The following NSMCE2 variants were observed in gnomAD, a reference collection of about 807,000 sequenced individuals.
NSMCE2 encodes the protein NSE2 SUMO ligase component of SMC5/6 complex, also known as E3 SUMO-protein ligase NSE2.
In NSMCE2, 24 loss-of-function variants were observed where a neutral mutation model predicts 23.8. The observed-to-expected ratio is 1.01, with a 90% CI of 0.73 to 1.42. The LOEUF (loss-of-function observed/expected upper bound fraction) is 1.42, where lower values mean the gene tolerates loss of function less well. Ranked by LOEUF, NSMCE2 falls within the 40% of genes most tolerant of loss-of-function variation. NSMCE2 has a pLI of 0.00. For synonymous variants in NSMCE2, 92 were observed against 94.1 expected (o/e 0.98, Z 0.13); for missense variants, 284 against 296.5 (o/e 0.96, Z 0.31).
chr8:125,167,619 G>A (rs1821958052), intron 4 of NSMCE2, among the ~76,000 whole-genome samples: 1 of 151,924 alleles, frequency 6.6e-6, no homozygotes, highest in Non-Finnish European at 1.5e-5. Flanking sequence ...TGGCAACTGA[G>A]CAAGACTCAG....
intron 5 of NSMCE2, among the ~76,000 whole-genome samples, chr8:125,298,555 T>A (rs1447457588): frequency 6.6e-6 from 1 of 152,104 alleles, no homozygotes; most frequent in Non-Finnish European, 1.5e-5. Context: ...ATGCGGGAAA[T>A]TTACTTAAAC....
intron 3 of NSMCE2, among the ~76,000 whole-genome samples, chr8:125,114,976 T>C (rs1444812531): frequency 2.0e-5 from 3 of 152,232 alleles, no homozygotes; most frequent in Non-Finnish European, 2.9e-5. Context: ...GTTTCCCTTA[T>C]ATTTTATGTT....
In NSMCE2 at chr8:125,303,214, G is replaced by A. The variant is rs529471427; in HGVS notation, c.419-54005G>A. ...CTCTGTGAACCTGCAGTTCAGCTTT[G>A]ACTCAGGAGAGCCTGTGGGAACTGT... On this transcript the variant is annotated intron_variant, in intron 5 of 7. Transcript: ENST00000287437. Among the ~76,000 whole-genome samples the A allele has an allele frequency of 1.4e-4, 22 of 152,242 alleles. No homozygotes were observed. The South Asian group carries it at 1.7e-3, about 11-fold the overall frequency.
intron 5 of NSMCE2, among the ~76,000 whole-genome samples, chr8:125,316,186 A>G (rs7004468): frequency 0.91 from 138,157 of 152,238 alleles, 62,867 homozygotes; most frequent in African/African-American, 0.98. Context: ...CTTCTTTTTC[A>G]ATTCTAGTCT....
chr8:125,127,934 AAG>A (rs1819590270), intron 3 of NSMCE2, among the ~76,000 whole-genome samples: 2 of 152,218 alleles, frequency 1.3e-5, no homozygotes, highest in Non-Finnish European at 2.9e-5. Flanking sequence ...GGTTTGTGTT[AAG>A]TACTTATGTG....
chr8:125,274,348 A>T (rs1827352294), intron 5 of NSMCE2, among the ~76,000 whole-genome samples: 1 of 152,206 alleles, frequency 6.6e-6, no homozygotes, highest in Admixed American at 6.5e-5. Flanking sequence ...TGTTCCTTGT[A>T]TTAATTTCAT....
At chr8:125,240,801 A>T (rs1016370488) in intron 5 of NSMCE2, among the ~76,000 whole-genome samples, 3 of 152,136 alleles carry the variant, frequency 2.0e-5, no homozygotes, top group Non-Finnish European at 4.4e-5. Context: ...AATTTGTAGA[A>T]TTATTGGTTT....
chr8:125,153,596 A>G (rs1312054949), intron 4 of NSMCE2, among the ~76,000 whole-genome samples: 1 of 152,182 alleles, frequency 6.6e-6, no homozygotes, highest in Non-Finnish European at 1.5e-5. Context: ...GTTTAGAAAT[A>G]GCAATGGTCT....
At chr8:125,242,256 C>T (rs1825792138) in intron 5 of NSMCE2, among the ~76,000 whole-genome samples, 2 of 151,950 alleles carry the variant, frequency 1.3e-5, no homozygotes, top group South Asian at 4.2e-4. Context: ...GATGGGGAAA[C>T]GAGCAGAGTA....
intron 5 of NSMCE2, among the ~76,000 whole-genome samples, chr8:125,246,524 TAAC>T (rs1330787714): frequency 6.6e-6 from 1 of 152,046 alleles, no homozygotes; most frequent in Non-Finnish European, 1.5e-5. Context: ...TTCAAATGGC[TAAC>T]AACTATAAAT....
At position 125,357,771 on chromosome 8, in the gene NSMCE2, C is replaced by T. The variant is rs111359849; in HGVS notation, c.579C>T (p.Ala193=). The change falls in exon 7 of 8, where the codon GCC becomes GCT. Residue 193 remains alanine (A), a synonymous_variant. Coordinates refer to ENST00000287437, the MANE Select transcript of NSMCE2 (RefSeq NM_173685.4). ...GTGGCCACACCTATGAAGAGGACGC[C>T]ATTGTTCGCATGATTGAGTCCAGGC... is the stretch of plus-strand genomic sequence containing the variant. ...KVCGHTYEED[A]IVRMIESRQK... is the part of the protein sequence containing the mutation. The T allele has an allele frequency of 6.2e-7, 1 of 1,614,130 alleles. No individual in the cohort carries two copies. Among genetic ancestry groups the T allele is most frequent in the Admixed American group, 1.7e-5 (1 of 60,022 alleles).
intron 5 of NSMCE2, among the ~76,000 whole-genome samples, chr8:125,325,319 ATAAAG>A (rs879289113): frequency 0.029 from 1,607 of 55,498 alleles, 20 homozygotes; most frequent in Middle Eastern, 0.098. Flanking sequence ...ATAAAATAAA[ATAAAG>A]TAAAATAAAA....
rs556633472 is a variant in NSMCE2, at chr8:125,227,765, G to A, written c.418+45509G>A. ...ATAGAGGGCAAAATAAAAATCACCT[G>A]TAATCCCGTTACCCAGAGATAACCA... On this transcript the variant is annotated intron_variant, in intron 5 of 7. Coordinates refer to ENST00000287437, the MANE Select transcript of NSMCE2 (RefSeq NM_173685.4). 1.1e-4 allele frequency among the ~76,000 whole-genome samples: 16 copies of A among 152,268 alleles called. No homozygotes were observed. In the East Asian group the frequency reaches 1.7e-3, roughly 17 times the overall value.
At chr8:125,324,553 A>T (rs1586769969) in intron 5 of NSMCE2, among the ~76,000 whole-genome samples, 1 of 135,782 alleles carries the variant, frequency 7.4e-6, no homozygotes, top group African/African-American at 2.7e-5. Flanking sequence ...ATCCTATGTG[A>T]TTCCATTTTG....
intron 5 of NSMCE2, among the ~76,000 whole-genome samples, chr8:125,215,294 T>C (rs1010182357): frequency 6.7e-6 from 1 of 149,248 alleles, no homozygotes; most frequent in Non-Finnish European, 1.5e-5. Flanking sequence ...ATGCGGTGTT[T>C]GGTTTTTTGT....
chr8:125,105,329 A>G (rs563727141), intron 3 of NSMCE2, among the ~76,000 whole-genome samples: 1 of 152,272 alleles, frequency 6.6e-6, no homozygotes, highest in Non-Finnish European at 1.5e-5. Context: ...TTTAGCTTTG[A>G]TAGATAGGCC....
At chr8:125,323,557 A>G (rs1829534934) in intron 5 of NSMCE2, among the ~76,000 whole-genome samples, 1 of 152,264 alleles carries the variant, frequency 6.6e-6, no homozygotes, top group African/African-American at 2.4e-5. Flanking sequence ...TTCCACAAAC[A>G]TGCAAAGATA....
intron 5 of NSMCE2, among the ~76,000 whole-genome samples, chr8:125,298,687 G>GTTTTTTGTTT (rs1828425895): frequency 1.2e-5 from 1 of 85,954 alleles, no homozygotes; most frequent in Non-Finnish European, 2.2e-5. Context: ...TCATCTGTGG[G>GTTTTTTGTTT]TTTTTTTTTG....
At chr8:125,325,748 T>C (rs893673994) in intron 5 of NSMCE2, among the ~76,000 whole-genome samples, 4 of 152,110 alleles carry the variant, frequency 2.6e-5, no homozygotes, top group African/African-American at 7.2e-5. Flanking sequence ...GGTCAGGAGT[T>C]CAAGACCAGC....
Sources: gnomAD v4.1 joint callset for allele counts (sites outside exome capture counted in the v4.1 genomes callset) on GRCh38, gnomAD v4.1.1 for gene constraint, MANE v1.5 for transcripts, NCBI Gene and HGNC (gene_info 2026-07-23, HGNC 2026-07-21) for gene names.